Variants in PRSS12 observed in about 807,000 individuals in gnomAD.
PRSS12 encodes the protein serine protease 12.
In PRSS12, 85 loss-of-function variants were observed where a neutral mutation model predicts 104.4. That is an observed-to-expected ratio of 0.81 (90% CI 0.68 to 0.98). The LOEUF is 0.98. Ranked by LOEUF, PRSS12 falls within the 50% of genes least tolerant of loss-of-function variation. The probability of loss-of-function intolerance (pLI) is 0.00; values close to 1 mark genes in which losing one functional copy is unlikely to be tolerated. For missense variants in PRSS12, 1,141 were observed against 1,139.2 expected (o/e 1.00, Z -0.02); for synonymous variants, 454 against 425.2 (o/e 1.07, Z -0.83).
At chr4:118,324,331 C>A (rs139966564) in intron 4 of PRSS12, among the ~76,000 whole-genome samples, 7 of 152,080 alleles carry the variant, frequency 4.6e-5, no homozygotes, top group African/African-American at 1.7e-4. Context: ...TGCATGCTTA[C>A]CTATCACATT....
intron 1 of PRSS12, among the ~76,000 whole-genome samples, chr4:118,347,568 G>A (rs1724389591): frequency 6.6e-6 from 1 of 152,162 alleles, no homozygotes. Flanking sequence ...AAAAAAGGGA[G>A]GCTCTCAGCA....
At chr4:118,329,318 T>C (rs536581007) in intron 4 of PRSS12, among the ~76,000 whole-genome samples, 3 of 152,194 alleles carry the variant, frequency 2.0e-5, no homozygotes, top group South Asian at 2.1e-4. Flanking sequence ...CCCACAAATA[T>C]ATTAATAATC....
intron 4 of PRSS12, among the ~76,000 whole-genome samples, chr4:118,329,336 C>G (rs1020275557): frequency 6.6e-6 from 1 of 152,090 alleles, no homozygotes; most frequent in Non-Finnish European, 1.5e-5. Context: ...ATCAAAAATG[C>G]CTTTTACCTT....
intron 8 of PRSS12, among the ~76,000 whole-genome samples, chr4:118,306,451 G>A (rs554286440): frequency 1.3e-5 from 2 of 152,294 alleles, no homozygotes; most frequent in South Asian, 4.2e-4. Flanking sequence ...CTTGGCTTCT[G>A]CTGATGCCCA....
intron 7 of PRSS12, among the ~76,000 whole-genome samples, chr4:118,312,285 T>C (rs1366675860): frequency 1.3e-5 from 2 of 152,058 alleles, no homozygotes; most frequent in Admixed American, 6.6e-5. Flanking sequence ...AACAGGAGAA[T>C]ACAAAGGAGT....
intron 1 of PRSS12, among the ~76,000 whole-genome samples, chr4:118,340,903 T>A (rs1724189750): frequency 6.6e-6 from 1 of 152,346 alleles, no homozygotes; most frequent in East Asian, 1.9e-4. Flanking sequence ...CCAGTAAGGC[T>A]TATCAGTTTA....
At chr4:118,296,213 G>T (rs922719261) in intron 9 of PRSS12, among the ~76,000 whole-genome samples, 2 of 152,172 alleles carry the variant, frequency 1.3e-5, no homozygotes, top group Non-Finnish European at 2.9e-5. Flanking sequence ...TAAGAGAACT[G>T]CAAAGGCAGT....
chr4:118,306,213 C>T (rs1743548519), intron 8 of PRSS12, among the ~76,000 whole-genome samples: 1 of 152,154 alleles, frequency 6.6e-6, no homozygotes. Flanking sequence ...GTTTCAGTTT[C>T]TCCACATCCT....
chr4:118,293,178 A>G (rs534096181), intron 11 of PRSS12, among the ~76,000 whole-genome samples: 1 of 152,010 alleles, frequency 6.6e-6, no homozygotes, highest in Non-Finnish European at 1.5e-5. Flanking sequence ...ATGACAGCAT[A>G]ATCAGTGGGT....
chr4:118,326,765 G>C (rs1578928763), intron 4 of PRSS12, among the ~76,000 whole-genome samples: 2 of 152,180 alleles, frequency 1.3e-5, no homozygotes, highest in South Asian at 4.2e-4. Flanking sequence ...CCCACTAACA[G>C]ACTTGGGGAA....
At chr4:118,329,690 C>T (rs1270048587) in intron 4 of PRSS12, among the ~76,000 whole-genome samples, 2 of 152,026 alleles carry the variant, frequency 1.3e-5, no homozygotes, top group African/African-American at 2.4e-5. Flanking sequence ...ATTAGAGTGC[C>T]CTTGATAGCC....
intron 11 of PRSS12, among the ~76,000 whole-genome samples, chr4:118,284,210 G>A (rs1232114096): frequency 5.3e-5 from 8 of 152,156 alleles, no homozygotes; most frequent in African/African-American, 1.2e-4. Context: ...TTCACTAGAC[G>A]CCACTGGTAC....
intron 1 of PRSS12, among the ~76,000 whole-genome samples, chr4:118,351,310 A>T (rs1724496869): frequency 6.6e-6 from 1 of 152,156 alleles, no homozygotes; most frequent in Non-Finnish European, 1.5e-5. Context: ...AAAGAAATTC[A>T]AACTTTGAGG....
Position 118,280,578 on chromosome 4 carries a change from A to G in PRSS12, c.*1358T>C, listed in dbSNP as rs1742817810. On this transcript the variant is annotated 3_prime_UTR_variant, in exon 13 of 13. Transcript: ENST00000296498. Reference sequence around the variant, plus strand: ...TGACTGGCATTCAAGAGGATTACTTAAAACAATTTGTAAGTTCATGCTAAC... The same window carrying G: ...TGACTGGCATTCAAGAGGATTACTTGAAACAATTTGTAAGTTCATGCTAAC... The G allele has an allele frequency of 6.6e-6, 1 of 152,360 alleles. No individual in the cohort carries two copies. The highest frequency in any genetic ancestry group is 1.9e-4 in the East Asian group (1 of 5,184). The allele number at this position is 152,360 out of a possible 1,614,324, so 9.4% of individuals were successfully genotyped here.
chr4:118,343,444 C>G (rs1172034957), intron 1 of PRSS12, among the ~76,000 whole-genome samples: 1 of 152,072 alleles, frequency 6.6e-6, no homozygotes, highest in Non-Finnish European at 1.5e-5. Context: ...TTTCCATATT[C>G]CATATGTGAA....
At chr4:118,348,079 A>AAAC (rs1724402033) in intron 1 of PRSS12, among the ~76,000 whole-genome samples, 1 of 152,074 alleles carries the variant, frequency 6.6e-6, no homozygotes, top group Admixed American at 6.5e-5. Flanking sequence ...ACAATACAAA[A>AAAC]AATAATAATA....
At chr4:118,302,515 C>T (rs2126030199) in intron 8 of PRSS12, among the ~76,000 whole-genome samples, 1 of 152,332 alleles carries the variant, frequency 6.6e-6, no homozygotes, top group East Asian at 1.9e-4. Context: ...CAACCTCTCC[C>T]TTCTTGGTTC....
chr4:118,306,092 A>G (rs1275274845), intron 8 of PRSS12: 1 of 152,198 alleles, frequency 6.6e-6, no homozygotes, highest in East Asian at 1.9e-4. Context: ...TATCTAGATC[A>G]TATGGTAGTT....
chr4:118,291,178 C>T (rs1270585590), intron 11 of PRSS12, among the ~76,000 whole-genome samples: 2 of 152,156 alleles, frequency 1.3e-5, no homozygotes, highest in East Asian at 3.9e-4. Flanking sequence ...TTTCCCACTA[C>T]CTAGTAAATG....
Sources: gnomAD v4.1 joint callset for allele counts (sites outside exome capture counted in the v4.1 genomes callset) on GRCh38, gnomAD v4.1.1 for gene constraint, MANE v1.5 for transcripts, NCBI Gene and HGNC (gene_info 2026-07-23, HGNC 2026-07-21) for gene names.